The following CD4 variants were observed in gnomAD, a reference collection of about 807,000 sequenced individuals.
CD4 encodes CD4 molecule, also known as T-cell surface glycoprotein CD4.
Under a neutral mutation model 50.5 loss-of-function variants are expected in CD4, and 25 were observed. That is an observed-to-expected ratio of 0.49 (90% CI 0.36 to 0.69). The LOEUF (loss-of-function observed/expected upper bound fraction) is 0.69. Ranked by LOEUF, CD4 falls within the 30% of genes least tolerant of loss-of-function variation. The pLI is 0.00. For synonymous variants in CD4, 207 were observed against 221.9 expected (o/e 0.93, Z 0.60); for missense variants, 456 against 548.5 (o/e 0.83, Z 1.68).
At chr12:6,805,602 G>C (rs1460723920) in intron 3 of CD4, among the ~76,000 whole-genome samples, 6 of 151,684 alleles carry the variant, frequency 4.0e-5, no homozygotes, top group African/African-American at 1.5e-4. Flanking sequence ...TGAATTGTAT[G>C]CTAAAAACTA....
In CD4 at chr12:6,818,295, A is replaced by C; in HGVS notation, c.1157-126A>C. On this transcript the variant is annotated intron_variant, in intron 7 of 9. Coordinates refer to ENST00000011653, the MANE Select transcript of CD4 (RefSeq NM_000616.5). The surrounding 1 kb of genome is among the most constrained non-coding windows in gnomAD (Gnocchi z 5.0). ...TGGCGGCCTTTGAGAGCCCCCAGGCACCCCTCCCCTCTCCCCCAACCCCAG... is the reference window on the plus strand; with the variant it reads ...TGGCGGCCTTTGAGAGCCCCCAGGCCCCCCTCCCCTCTCCCCCAACCCCAG... 7 of 1,217,468 alleles carry C rather than the reference A, an allele frequency of 5.7e-6. No individual in the cohort carries two copies. The highest frequency in any genetic ancestry group is 1.4e-5 in the South Asian group (1 of 71,766). The allele number at this position is 1,217,468 out of a possible 1,614,324, so 75.4% of individuals were successfully genotyped here.
chr12:6,805,160 C>T (rs184250529), intron 3 of CD4, among the ~76,000 whole-genome samples: 17 of 120,290 alleles, frequency 1.4e-4, no homozygotes, highest in African/African-American at 2.6e-4. Flanking sequence ...TTTCCAGCCT[C>T]GGTAGGAGAG....
chr12:6,818,820 G>A lies in CD4; in HGVS notation c.1279-27G>A, dbSNP rs377662922. 1.8e-5 allele frequency: 29 copies of A among 1,607,124 alleles called. No homozygotes were observed. The highest frequency in any genetic ancestry group is 2.2e-5 in the South Asian group (2 of 90,942). On this transcript the variant is annotated intron_variant, in intron 8 of 9. Coordinates refer to ENST00000011653, the MANE Select transcript of CD4 (RefSeq NM_000616.5). The surrounding 1 kb of genome is among the most constrained non-coding windows in gnomAD (Gnocchi z 5.0). ...TCCCTTCTGGAGGCCTGGGACCCTC[G>A]TGACTCCCTTTCTTGTCCCTGGACA...
In CD4 at chr12:6,818,533, GCACCGAAGGGTGAGTAA is replaced by G; in HGVS notation, c.1271_1278+9del. The G allele has an allele frequency of 6.2e-7, 1 of 1,612,724 alleles. No individual in the cohort carries two copies. The highest frequency in any genetic ancestry group is 8.5e-7 in the Non-Finnish European group (1 of 1,180,010). On this transcript the variant is annotated splice_donor_variant and splice_donor_5th_base_variant and coding_sequence_variant and intron_variant, in exon 8 of 10. Transcript: ENST00000011653. LOFTEE classifies it high-confidence loss of function. The surrounding 1 kb of genome is among the most constrained non-coding windows in gnomAD (Gnocchi z 5.0). Reference sequence around the variant, plus strand: ...GCATCTTCTTCTGTGTCAGGTGCCGGCACCGAAGGGTGAGTAACCCCACACCTGGTCCCCACAAGGCC... The same window carrying G: ...GCATCTTCTTCTGTGTCAGGTGCCGGCCCCACACCTGGTCCCCACAAGGCC...
chr12:6,811,518 A>G, intron 3 of CD4, among the ~76,000 whole-genome samples: 2 of 118,156 alleles, frequency 1.7e-5, no homozygotes, highest in Non-Finnish European at 3.3e-5. Flanking sequence ...TTTGAGACAG[A>G]GTCTCACTCT....
chr12:6,814,395 C>T (rs1321693060), intron 4 of CD4, 95 bp downstream of exon 4: 22 of 1,299,308 alleles, frequency 1.7e-5, no homozygotes, highest in Admixed American at 2.5e-5. Flanking sequence ...GCTGGTGATA[C>T]CGCAGCAGCC....
At chr12:6,796,349 T>C (rs1449054678) in intron 1 of CD4, among the ~76,000 whole-genome samples, 1 of 152,148 alleles carries the variant, frequency 6.6e-6, no homozygotes, top group African/African-American at 2.4e-5. Flanking sequence ...ACGGCAAAGA[T>C]GCCACTGGGG....
intron 1 of CD4, among the ~76,000 whole-genome samples, chr12:6,796,943 C>T (rs955484800): frequency 4.9e-4 from 74 of 152,314 alleles, no homozygotes; most frequent in African/African-American, 1.4e-3. Context: ...AGCCTCCTCG[C>T]ACATCCCTAC....
intron 3 of CD4, among the ~76,000 whole-genome samples, chr12:6,811,449 A>C (rs1942932018): frequency 7.3e-6 from 1 of 136,588 alleles, no homozygotes; most frequent in African/African-American, 2.7e-5. Context: ...AATTATTTTT[A>C]TTTTTTAAAA....
At chr12:6,800,280 G>GT (rs1555115022) in intron 2 of CD4, 27 bp from the exon 3 acceptor site, 1 of 1,613,688 alleles carries the variant, frequency 6.2e-7, no homozygotes, top group Non-Finnish European at 8.5e-7. Context: ...GCGACATTGA[G>GT]ACCTGACTCC....
At position 6,807,023 on chromosome 12, in the gene CD4, C is replaced by T. The variant is rs183014982; in HGVS notation, c.214+6552C>T. On this transcript the variant is annotated intron_variant, in intron 3 of 9. Coordinates refer to ENST00000011653, the MANE Select transcript of CD4 (RefSeq NM_000616.5). ...TCTACTAAAAATACAAAAAATTAGC[C>T]GGGCGTGGTGGCGGGCGCCTGTAGT... Among the ~76,000 whole-genome samples, 490 of 152,030 alleles carry T rather than the reference C, an allele frequency of 3.2e-3. 1 individual carries two copies. Among genetic ancestry groups the T allele is most frequent in the Non-Finnish European group, 5.6e-3 (379 of 67,964 alleles).
At chr12:6,813,555 G>A (rs1555117346) in intron 3 of CD4, 2 of 152,308 alleles carry the variant, frequency 1.3e-5, no homozygotes, top group African/African-American at 4.8e-5. Context: ...AGTACACAAA[G>A]CACTTCCTCA....
intron 3 of CD4, among the ~76,000 whole-genome samples, chr12:6,812,771 T>TTGTGTGTGTGTGTG (rs782347075): frequency 6.9e-5 from 4 of 57,560 alleles, no homozygotes; most frequent in Non-Finnish European, 1.3e-4. Flanking sequence ...AAGGTTATTT[T>TTGTGTGTGTGTGTG]TGTGTGTGTG....
At position 6,801,778 on chromosome 12, in the gene CD4, T is replaced by C. The variant is rs192144527; in HGVS notation, c.214+1307T>C. On this transcript the variant is annotated intron_variant, in intron 3 of 9. Coordinates refer to ENST00000011653, the MANE Select transcript of CD4 (RefSeq NM_000616.5). ...AGTTTCACGGTGTTAGCCAGGCTGGTCTTGATCTCCTGACCTCGTGATTTA... is the reference window on the plus strand; with the variant it reads ...AGTTTCACGGTGTTAGCCAGGCTGGCCTTGATCTCCTGACCTCGTGATTTA... 4.5e-3 allele frequency among the ~76,000 whole-genome samples: 674 copies of C among 151,020 alleles called. 4 individuals are homozygous for C. The highest frequency in any genetic ancestry group is 0.024 in the Middle Eastern group (7 of 286).
chr12:6,795,205 A>G (rs566123796), intron 1 of CD4, among the ~76,000 whole-genome samples: 4 of 151,890 alleles, frequency 2.6e-5, no homozygotes, highest in South Asian at 4.2e-4. Flanking sequence ...ATCTGTCTGT[A>G]TGTTTATCTA....
Position 6,818,797 on chromosome 12 carries a change from C to T in CD4, c.1279-50C>T. The T allele has an allele frequency of 6.5e-7, 1 of 1,536,504 alleles. No homozygotes were observed. Among genetic ancestry groups the T allele is most frequent in the East Asian group, 2.3e-5 (1 of 44,416 alleles). Reference sequence around the variant, plus strand: ...CACTCCCCCCACCAAGGGGCACCTCCCTTCTGGAGGCCTGGGACCCTCGTG... The same window carrying T: ...CACTCCCCCCACCAAGGGGCACCTCTCTTCTGGAGGCCTGGGACCCTCGTG... On this transcript the variant is annotated intron_variant, in intron 8 of 9. Coordinates refer to ENST00000011653, the MANE Select transcript of CD4 (RefSeq NM_000616.5). The surrounding 1 kb of genome is among the most constrained non-coding windows in gnomAD (Gnocchi z 5.0).
chr12:6,817,938 C>A (rs111067990), intron 7 of CD4, among the ~76,000 whole-genome samples: 6,491 of 152,134 alleles, frequency 0.043, 424 homozygotes, highest in African/African-American at 0.15. Flanking sequence ...CACTCACACA[C>A]TTATACACTC....
At chr12:6,803,022 C>T (rs1470167950) in intron 3 of CD4, among the ~76,000 whole-genome samples, 1 of 152,088 alleles carries the variant, frequency 6.6e-6, no homozygotes, top group African/African-American at 2.4e-5. Flanking sequence ...TGTGAGCCAC[C>T]GCACTCGGCC....
At chr12:6,800,596 T>C in intron 3 of CD4, 125 bp downstream of exon 3, 2 of 750,146 alleles carry the variant, frequency 2.7e-6, no homozygotes, top group South Asian at 4.1e-5. Context: ...AGAAACTCAG[T>C]GGCATTCTTA....
Sources: allele counts gnomAD v4.1 joint callset (sites outside exome capture counted in the v4.1 genomes callset), GRCh38; gene constraint gnomAD v4.1.1; non-coding constraint Gnocchi (gnomAD v3.1); transcripts MANE v1.5; gene names NCBI Gene and HGNC (gene_info 2026-07-23, HGNC 2026-07-21).